Variants in EXOC4 observed in about 807,000 individuals in gnomAD.
EXOC4 encodes the protein SEC8-like 1.
In EXOC4, 71 loss-of-function variants were observed where a neutral mutation model predicts 107.2. That is an observed-to-expected ratio of 0.66 (90% CI 0.55 to 0.81). The LOEUF is 0.81. Ranked by LOEUF, EXOC4 falls within the 30% of genes least tolerant of loss-of-function variation. EXOC4 has a pLI of 0.00. For missense variants in EXOC4, 1,108 were observed against 1,189.6 expected, an observed-to-expected ratio of 0.93 and a Z score of 1.01; for synonymous variants, 456 against 441.2, an observed-to-expected ratio of 1.03 and a Z score of -0.42.
chr7:134,066,443 A>C (rs1796178962), downstream of EXOC4: 1 of 152,208 alleles, frequency 6.6e-6, no homozygotes, highest in Non-Finnish European at 1.5e-5. Context: ...TTTCAGGGGC[A>C]ACATTTAGGA....
At chr7:133,845,428 A>G (rs1798106921) in intron 11 of EXOC4, among the ~76,000 whole-genome samples, 1 of 148,054 alleles carries the variant, frequency 6.8e-6, no homozygotes, top group Non-Finnish European at 1.5e-5. Context: ...TATCTTATAT[A>G]TACTAGATAT....
At chr7:133,357,128 A>G (rs1317715469) in intron 6 of EXOC4, among the ~76,000 whole-genome samples, 1 of 152,244 alleles carries the variant, frequency 6.6e-6, no homozygotes, top group East Asian at 1.9e-4. Flanking sequence ...TTTATAGTAG[A>G]GATTGTCGAT....
intron 10 of EXOC4, among the ~76,000 whole-genome samples, chr7:133,642,283 A>G (rs1802876037): frequency 6.6e-6 from 1 of 152,206 alleles, no homozygotes; most frequent in Admixed American, 6.5e-5. Context: ...GAGAAAATCT[A>G]TGATAAAGGA....
At chr7:133,888,681 G>A (rs1294610881) in intron 11 of EXOC4, among the ~76,000 whole-genome samples, 3 of 152,074 alleles carry the variant, frequency 2.0e-5, no homozygotes, top group Non-Finnish European at 4.4e-5. Flanking sequence ...AGTGTGTTTG[G>A]ACCCTGCGCC....
intron 10 of EXOC4, among the ~76,000 whole-genome samples, chr7:133,657,568 T>C (rs577728600): frequency 6.6e-6 from 1 of 152,308 alleles, no homozygotes; most frequent in South Asian, 2.1e-4. Context: ...ACCAGAGTTG[T>C]ACTGTTATGT....
intron 11 of EXOC4, among the ~76,000 whole-genome samples, chr7:133,868,807 T>C (rs1405362275): frequency 6.6e-6 from 1 of 152,160 alleles, no homozygotes; most frequent in African/African-American, 2.4e-5. Context: ...TGTAGGTTGA[T>C]GTCTTGGGAA....
chr7:133,350,768 T>C (rs1489694128), intron 5 of EXOC4, among the ~76,000 whole-genome samples: 3 of 152,048 alleles, frequency 2.0e-5, no homozygotes, highest in African/African-American at 7.2e-5. Flanking sequence ...TGTAAACTGC[T>C]TTAGGTATAA....
chr7:133,692,199 A>G (rs1794436249), intron 10 of EXOC4, among the ~76,000 whole-genome samples: 1 of 152,260 alleles, frequency 6.6e-6, no homozygotes, highest in African/African-American at 2.4e-5. Flanking sequence ...CAATCAAGCC[A>G]AAAGTAATCC....
chr7:133,611,775 A>G (rs566927089), intron 9 of EXOC4, among the ~76,000 whole-genome samples: 4 of 152,270 alleles, frequency 2.6e-5, no homozygotes, highest in African/African-American at 9.6e-5. Context: ...CTTGATGTAA[A>G]TTAGCCCCTA....
At chr7:133,764,616 C>T (rs1796099004) in intron 10 of EXOC4, among the ~76,000 whole-genome samples, 1 of 152,058 alleles carries the variant, frequency 6.6e-6, no homozygotes, top group African/African-American at 2.4e-5. Flanking sequence ...GATTAGGAAA[C>T]AAACTTTATA....
At chr7:133,464,811 G>GTTTTTTTTTTTTTTTTTTTTTTTTTT (rs3046149) in intron 7 of EXOC4, among the ~76,000 whole-genome samples, 1 of 51,298 alleles carries the variant, frequency 1.9e-5, no homozygotes, top group African/African-American at 8.3e-5. Flanking sequence ...GGTTGGGTTG[G>GTTTTTTTTTTTTTTTTTTTTTTTTTT]TTTTTTTTTT....
At chr7:133,830,569 CTGT>C (rs1354397566) in intron 11 of EXOC4, among the ~76,000 whole-genome samples, 1 of 152,142 alleles carries the variant, frequency 6.6e-6, no homozygotes, top group Non-Finnish European at 1.5e-5. Context: ...AAGCAAACCT[CTGT>C]TGTTTGCCAA....
intron 9 of EXOC4, among the ~76,000 whole-genome samples, chr7:133,608,470 G>A (rs4728293): frequency 0.96 from 146,238 of 151,594 alleles, 70,772 homozygotes; most frequent in East Asian, 1. Context: ...GTTTAGGAGT[G>A]CATTGTACTA....
In EXOC4 at chr7:134,064,591, GTTA is replaced by G. The variant is rs1796143693; in HGVS notation, c.*66_*68del. ...TCACACTCACTTTTTTCCTTGGTAT[GTTA>G]TTGAGTATATTCTGAGCTTAGTTTT... On this transcript the variant is annotated 3_prime_UTR_variant, in exon 18 of 18. Transcript: ENST00000253861. 1 of 1,112,526 alleles carries G rather than the reference GTTA, an allele frequency of 9.0e-7. No homozygotes were observed. The highest frequency in any genetic ancestry group is 2.1e-4 in the Middle Eastern group (1 of 4,826). 68.9% of individuals were successfully genotyped at this position (1,112,526 alleles called of 1,614,324 possible). A position where few individuals can be genotyped will look rare whatever the true frequency, so the allele number is the denominator to read the frequency against.
chr7:133,306,045 G>C lies in EXOC4; in HGVS notation c.640G>C (p.Glu214Gln), dbSNP rs761868306. ...STSRVVQRNKEKGKISSLVKD... is the reference protein window; with the variant it reads ...STSRVVQRNKQKGKISSLVKD... ...TAGCCGAGTTGTGCAGCGTAACAAG[G>C]AAAAAGGGAAAATCAGGTTAAAGAG... Residue 214 changes from glutamate (E) to glutamine (Q), a missense_variant, in exon 4 of 18, where the codon GAA becomes CAA. By Grantham distance (29) the Glu-to-Gln change is conservative. Coordinates refer to ENST00000253861, the MANE Select transcript of EXOC4 (RefSeq NM_021807.4). 5.6e-6 allele frequency: 9 copies of C among 1,608,904 alleles called. No individual in the cohort carries two copies. Among genetic ancestry groups the C allele is most frequent in the Non-Finnish European group, 7.6e-6 (9 of 1,178,010 alleles).
chr7:133,838,888 G>A (rs1366815726), intron 11 of EXOC4, among the ~76,000 whole-genome samples: 1 of 152,216 alleles, frequency 6.6e-6, no homozygotes, highest in Admixed American at 6.5e-5. Context: ...CAATGTGGCA[G>A]CTGGATTTGG....
chr7:133,984,645 T>C (rs1351276087), intron 14 of EXOC4, among the ~76,000 whole-genome samples: 1 of 152,190 alleles, frequency 6.6e-6, no homozygotes, highest in Admixed American at 6.5e-5. Context: ...GTTATTGTTT[T>C]TGTTATCACA....
the EXOC4 span, among the ~76,000 whole-genome samples, chr7:134,089,572 G>A: frequency 6.6e-6 from 1 of 152,120 alleles, no homozygotes; most frequent in Non-Finnish European, 1.5e-5. Context: ...AAGTTGTACG[G>A]TTAAGCATCA....
intron 6 of EXOC4, among the ~76,000 whole-genome samples, chr7:133,362,169 G>A (rs1316398588): frequency 6.6e-6 from 1 of 152,078 alleles, no homozygotes; most frequent in African/African-American, 2.4e-5. Context: ...TGGGTTTTGT[G>A]TCATACTTAG....
Sources: gnomAD v4.1 joint callset for allele counts (sites outside exome capture counted in the v4.1 genomes callset) on GRCh38, gnomAD v4.1.1 for gene constraint, MANE v1.5 for transcripts, NCBI Gene and HGNC (gene_info 2026-07-23, HGNC 2026-07-21) for gene names.